The following CEP57L1 variants were observed in gnomAD, a reference collection of about 807,000 sequenced individuals.
The protein encoded by CEP57L1 is centrosomal protein CEP57L1.
CEP57L1 carries 37 observed loss-of-function variants against 61.0 expected under a neutral mutation model. The observed-to-expected ratio is 0.61, with a 90% CI of 0.47 to 0.80. The LOEUF is 0.80. CEP57L1 is among the 30% of genes least tolerant of loss of function. The pLI is 0.00. For missense variants in CEP57L1, 422 were observed against 524.7 expected, an observed-to-expected ratio of 0.80 and a Z score of 1.91; for synonymous variants, 137 against 162.3, an observed-to-expected ratio of 0.84 and a Z score of 1.19.
rs937337721 is a variant in CEP57L1, at chr6:109,103,429, G to T, written c.-4+7854G>T. Reference sequence around the variant, plus strand: ...TTTTTAAGTTTTCCTTAACAAGGTCGATTTGAATTCCTTAACAAGATTGAT... The same window carrying T: ...TTTTTAAGTTTTCCTTAACAAGGTCTATTTGAATTCCTTAACAAGATTGAT... On this transcript the variant is annotated intron_variant, in intron 1 of 10. Coordinates refer to ENST00000517392, the MANE Select transcript of CEP57L1 (RefSeq NM_001271852.3). Among the ~76,000 whole-genome samples, 5 of 152,184 alleles carry T rather than the reference G, an allele frequency of 3.3e-5. No individual in the cohort carries two copies. In the East Asian group the frequency reaches 7.7e-4, roughly 23 times the overall value.
At chr6:109,160,777 A>G (rs763450078) in intron 10 of CEP57L1, 61 bp downstream of exon 10, 7 of 1,517,352 alleles carry the variant, frequency 4.6e-6, no homozygotes, top group Non-Finnish European at 5.3e-6. Flanking sequence ...TCAGTGTTGT[A>G]TCTCTGTATG....
At chr6:109,121,544 G>C (rs1772972192) in intron 1 of CEP57L1, among the ~76,000 whole-genome samples, 1 of 152,188 alleles carries the variant, frequency 6.6e-6, no homozygotes, top group South Asian at 2.1e-4. Context: ...GTAAGCAAAA[G>C]AGGGAATACC....
intron 1 of CEP57L1, among the ~76,000 whole-genome samples, chr6:109,141,462 C>G (rs1487128996): frequency 6.6e-6 from 1 of 152,024 alleles, no homozygotes; most frequent in African/African-American, 2.4e-5. Context: ...ATCCGCCCAC[C>G]TCTCCCTCCC....
At chr6:109,150,293 A>G (rs1772468732) in intron 4 of CEP57L1, 54 bp downstream of exon 4, 3 of 1,559,792 alleles carry the variant, frequency 1.9e-6, no homozygotes, top group Admixed American at 3.5e-5. Context: ...TTTTTGAAGA[A>G]TATTTTAATT....
At chr6:109,160,854 T>C (rs1420330625) in intron 10 of CEP57L1, 138 bp downstream of exon 10, 3 of 731,568 alleles carry the variant, frequency 4.1e-6, no homozygotes, top group African/African-American at 3.8e-5. Flanking sequence ...CTTAGGCCTA[T>C]GACAGAATAG....
At chr6:109,152,546 T>C (rs761802174) in intron 4 of CEP57L1, among the ~76,000 whole-genome samples, 6 of 151,982 alleles carry the variant, frequency 3.9e-5, no homozygotes, top group Non-Finnish European at 7.4e-5. Context: ...ATAGAAAGAG[T>C]TCTTGCTCCC....
At chr6:109,137,128 T>C (rs111566890) in intron 1 of CEP57L1, among the ~76,000 whole-genome samples, 2 of 152,178 alleles carry the variant, frequency 1.3e-5, no homozygotes, top group Admixed American at 1.3e-4. Flanking sequence ...TAGTAAAAAC[T>C]CTGTTTTTAA....
intron 1 of CEP57L1, among the ~76,000 whole-genome samples, chr6:109,129,957 C>T (rs754657348): frequency 1.9e-4 from 29 of 151,996 alleles, no homozygotes; most frequent in South Asian, 6.2e-4. Context: ...CAAAACTGTT[C>T]GTAATTTCAG....
chr6:109,134,751 C>T (rs1301711249), intron 1 of CEP57L1, among the ~76,000 whole-genome samples: 2 of 152,102 alleles, frequency 1.3e-5, no homozygotes, highest in Non-Finnish European at 1.5e-5. Flanking sequence ...AAATCACAAG[C>T]ATTCTTATAC....
chr6:109,144,328 CTAA>C (rs1258648889), intron 1 of CEP57L1, among the ~76,000 whole-genome samples: 2 of 152,068 alleles, frequency 1.3e-5, no homozygotes, highest in African/African-American at 4.8e-5. Context: ...TCAAAATAGG[CTAA>C]TGTTATAGTG....
intron 1 of CEP57L1, among the ~76,000 whole-genome samples, chr6:109,105,795 A>G (rs542024523): frequency 2.6e-5 from 4 of 152,236 alleles, no homozygotes; most frequent in South Asian, 2.1e-4. Flanking sequence ...GTGGCCTGTT[A>G]AGAACGAGAC....
intron 1 of CEP57L1, among the ~76,000 whole-genome samples, chr6:109,122,150 C>T (rs1483934354): frequency 1.3e-5 from 2 of 152,180 alleles, no homozygotes; most frequent in Non-Finnish European, 2.9e-5. Context: ...TCTGAGACTA[C>T]TTTAAGTTAA....
At chr6:109,107,182 T>A (rs890126041) in intron 1 of CEP57L1, among the ~76,000 whole-genome samples, 11 of 152,212 alleles carry the variant, frequency 7.2e-5, no homozygotes, top group African/African-American at 2.7e-4. Context: ...CTTATATTTT[T>A]AAATAAATCT....
chr6:109,101,780 C>T (rs1240716473), intron 1 of CEP57L1, among the ~76,000 whole-genome samples: 1 of 152,108 alleles, frequency 6.6e-6, no homozygotes, highest in Non-Finnish European at 1.5e-5. Flanking sequence ...CCACCGCGCC[C>T]GGCTAATGTT....
At chr6:109,148,916 T>C (rs927950685) in intron 3 of CEP57L1, among the ~76,000 whole-genome samples, 4 of 152,238 alleles carry the variant, frequency 2.6e-5, no homozygotes, top group African/African-American at 9.6e-5. Context: ...ATAAATGTCT[T>C]CTTTTGAGAA....
At chr6:109,119,438 C>T (rs958210831) in intron 1 of CEP57L1, among the ~76,000 whole-genome samples, 4 of 152,172 alleles carry the variant, frequency 2.6e-5, no homozygotes, top group Non-Finnish European at 4.4e-5. Context: ...AAGTGTTTTA[C>T]GTGTTGACCT....
chr6:109,099,574 G>C (rs1782123073), intron 1 of CEP57L1, among the ~76,000 whole-genome samples: 1 of 151,912 alleles, frequency 6.6e-6, no homozygotes. Context: ...TTGAGAAGGA[G>C]TTTTTGCTCT....
At chr6:109,124,850 C>A (rs1465651816) in intron 1 of CEP57L1, 1 of 152,206 alleles carries the variant, frequency 6.6e-6, no homozygotes, top group South Asian at 2.1e-4. Flanking sequence ...GGGTCAGATG[C>A]TTCTCCTCTG....
intron 1 of CEP57L1, among the ~76,000 whole-genome samples, chr6:109,108,947 G>A (rs951928055): frequency 1.3e-5 from 2 of 152,158 alleles, no homozygotes; most frequent in Admixed American, 1.3e-4. Context: ...ACTAAATCAA[G>A]TGAACTTAAA....
Sources: allele counts gnomAD v4.1 joint callset (sites outside exome capture counted in the v4.1 genomes callset), GRCh38; gene constraint gnomAD v4.1.1; transcripts MANE v1.5; gene names NCBI Gene and HGNC (gene_info 2026-07-23, HGNC 2026-07-21).